Variants in PYGL observed in about 807,000 individuals in gnomAD.
PYGL encodes the protein glycogen phosphorylase, liver form.
In PYGL, 90 loss-of-function variants were observed where a neutral mutation model predicts 100.1. The ratio of observed to expected loss-of-function variants is 0.90; its 90% CI spans 0.76 to 1.07. PYGL has a LOEUF of 1.07. Among genes scored for constraint, PYGL ranks in the 50% least tolerant of loss-of-function variants. The pLI, the probability that PYGL is intolerant of heterozygous loss-of-function variation, is 0.00. For synonymous variants in PYGL, 373 were observed against 393.0 expected, an observed-to-expected ratio of 0.95 and a Z score of 0.60; for missense variants, 1,016 against 1,057.6, an observed-to-expected ratio of 0.96 and a Z score of 0.55.
chr14:50,922,589 C>T (rs12878997), intron 5 of PYGL, among the ~76,000 whole-genome samples: 14,457 of 152,192 alleles, frequency 0.095, 914 homozygotes, highest in African/African-American at 0.18. Context: ...TTTCAGAGAA[C>T]CTCAAAGAGG....
chr14:50,914,781 A>G lies in PYGL; in HGVS notation c.1438T>C (p.Phe480Leu), dbSNP rs1378825853. ...KDFSELEPDK[F>L]QNKTNGITPR... ...GTGATCCCATTGGTTTTATTCTGAA[A>G]CTTGTCAGGTTCTAGCTCACTGAAG... Residue 480 changes from phenylalanine to leucine, a missense_variant, in exon 12 of 20, where the codon TTT becomes CTT. Phe to Leu is a conservative substitution (Grantham distance 22, BLOSUM62 0). Coordinates refer to ENST00000216392, the MANE Select transcript of PYGL (RefSeq NM_002863.5). The G allele has an allele frequency of 1.9e-6, 3 of 1,613,954 alleles. No individual in the cohort carries two copies. Among genetic ancestry groups the G allele is most frequent in the Non-Finnish European group, 2.5e-6 (3 of 1,179,908 alleles).
At chr14:50,911,931 G>A in intron 15 of PYGL, 47 bp downstream of exon 15, 1 of 1,613,398 alleles carries the variant, frequency 6.2e-7, no homozygotes, top group African/African-American at 1.3e-5. Flanking sequence ...TAGAAGAATG[G>A]CAAGAGATTA....
intron 1 of PYGL, 80 bp from the exon 2 acceptor site, chr14:50,937,917 G>T: frequency 1.6e-6 from 2 of 1,237,038 alleles, no homozygotes; most frequent in Non-Finnish European, 2.4e-6. Flanking sequence ...TCATGTGTTA[G>T]GTCACCAATA....
chr14:50,937,860 A>G (rs775132754), intron 1 of PYGL, 23 bp from the exon 2 acceptor site: 1 of 1,580,362 alleles, frequency 6.3e-7, no homozygotes, highest in South Asian at 1.1e-5. Flanking sequence ...AAAGAGAGAT[A>G]ATGTTTCCCC....
chr14:50,912,727 G>A (rs1193758356), intron 13 of PYGL, among the ~76,000 whole-genome samples: 2 of 152,204 alleles, frequency 1.3e-5, no homozygotes, highest in Admixed American at 6.5e-5. Flanking sequence ...GCCGAGGCGG[G>A]TGGATCACTT....
intron 17 of PYGL, 78 bp downstream of exon 17, chr14:50,909,817 G>A: frequency 6.7e-7 from 1 of 1,499,002 alleles, no homozygotes; most frequent in African/African-American, 1.4e-5. Flanking sequence ...ATCGGTGTGG[G>A]CAGGAAGCCC....
chr14:50,931,602 T>C, intron 4 of PYGL, 71 bp downstream of exon 4: 1 of 1,374,782 alleles, frequency 7.3e-7, no homozygotes, highest in Non-Finnish European at 1.0e-6. Flanking sequence ...GGTCCATATA[T>C]TATAAATCAT....
chr14:50,941,573 A>G (rs1006414932), intron 1 of PYGL, among the ~76,000 whole-genome samples: 1 of 152,228 alleles, frequency 6.6e-6, no homozygotes, highest in African/African-American at 2.4e-5. Flanking sequence ...TCAAGATGAC[A>G]ATGGCATGAA....
chr14:50,913,106 C>G lies in PYGL; in HGVS notation c.1543G>C (p.Asp515His), dbSNP rs762303977. The change falls in exon 13 of 20, where the codon GAC becomes CAC. Residue 515 changes from aspartate (D) to histidine (H), a missense_variant. Asp to His is a moderately conservative substitution (Grantham distance 81). Transcript: ENST00000216392. Reference sequence around the variant, plus strand: ...TGGAGCTTCGTCAGCTGGCTCAGGTCTTTCACATAGTCTTCTCCAATTTTC... The same window carrying G: ...TGGAGCTTCGTCAGCTGGCTCAGGTGTTTCACATAGTCTTCTCCAATTTTC... Reference protein sequence around the residue: ...AEKIGEDYVKDLSQLTKLHSF... With the variant: ...AEKIGEDYVKHLSQLTKLHSF... The G allele has an allele frequency of 3.7e-6, 6 of 1,613,946 alleles. No individual in the cohort carries two copies. The South Asian group carries it at 4.4e-5, about 12-fold the overall frequency.
At chr14:50,933,229 C>T (rs959159847) in intron 3 of PYGL, among the ~76,000 whole-genome samples, 1 of 152,210 alleles carries the variant, frequency 6.6e-6, no homozygotes, top group Non-Finnish European at 1.5e-5. Context: ...TTCTTATTCT[C>T]AGATGTGCAT....
chr14:50,929,935 A>G (rs925770084), intron 4 of PYGL, among the ~76,000 whole-genome samples: 11 of 152,242 alleles, frequency 7.2e-5, no homozygotes, highest in African/African-American at 2.7e-4. Context: ...AGAAGAGTAC[A>G]TAGAAGACAG....
chr14:50,942,665 T>C (rs2050711046), intron 1 of PYGL, among the ~76,000 whole-genome samples: 1 of 138,818 alleles, frequency 7.2e-6, no homozygotes, highest in African/African-American at 2.5e-5. Context: ...CTACTAAAAA[T>C]ACAAACTTAG....
At chr14:50,912,827 G>A (rs186359997) in intron 13 of PYGL, among the ~76,000 whole-genome samples, 1 of 152,152 alleles carries the variant, frequency 6.6e-6, no homozygotes, top group Admixed American at 6.5e-5. Context: ...GGTGGCGGGC[G>A]CCTGTCATCC....
At chr14:50,931,893 T>A in intron 3 of PYGL, 117 bp from the exon 4 acceptor site, 2 of 799,358 alleles carry the variant, frequency 2.5e-6, no homozygotes, top group Non-Finnish European at 4.4e-6. Flanking sequence ...ACCACATTTG[T>A]ATTCTAAAGC....
intron 4 of PYGL, among the ~76,000 whole-genome samples, chr14:50,924,449 G>A (rs1221415283): frequency 6.6e-6 from 1 of 152,196 alleles, no homozygotes; most frequent in Non-Finnish European, 1.5e-5. Context: ...CTTAACGTCT[G>A]TGAATCCAAT....
chr14:50,943,878 T>C (rs74051873), intron 1 of PYGL, among the ~76,000 whole-genome samples: 11,026 of 152,296 alleles, frequency 0.072, 661 homozygotes, highest in African/African-American at 0.17. Flanking sequence ...GAGAGGGGCC[T>C]GGGCTTTTGC....
chr14:50,909,430 G>A (rs2050369418), intron 17 of PYGL, among the ~76,000 whole-genome samples: 1 of 152,104 alleles, frequency 6.6e-6, no homozygotes, highest in African/African-American at 2.4e-5. Flanking sequence ...TTGAACTCAG[G>A]TTAATAAACC....
At position 50,934,796 on chromosome 14, in the gene PYGL, T is replaced by A. The variant is rs560890647; in HGVS notation, c.424+311A>T. ...TATAGGGAGGAGCACAGAACTGGGG[T>A]AGTGATCAAAGGGGGTGCTAGCATA... On this transcript the variant is annotated intron_variant, in intron 3 of 19. Coordinates refer to ENST00000216392, the MANE Select transcript of PYGL (RefSeq NM_002863.5). Among the ~76,000 whole-genome samples the A allele has an allele frequency of 3.9e-5, 6 of 152,106 alleles. No individual in the cohort carries two copies. The East Asian group carries it at 1.2e-3, about 29-fold the overall frequency.
chr14:50,913,280 T>C, intron 12 of PYGL, 150 bp from the exon 13 acceptor site: 1 of 679,596 alleles, frequency 1.5e-6, no homozygotes, highest in Admixed American at 2.2e-5. Flanking sequence ...AAGAAGAGTC[T>C]ATAAAGTCTA....
Sources: allele counts gnomAD v4.1 joint callset (sites outside exome capture counted in the v4.1 genomes callset), GRCh38; gene constraint gnomAD v4.1.1; transcripts MANE v1.5; gene names NCBI Gene and HGNC (gene_info 2026-07-23, HGNC 2026-07-21).